Variants in ARHGAP9 observed in about 807,000 individuals in gnomAD.
The protein encoded by ARHGAP9 is rho GTPase-activating protein 9.
ARHGAP9 carries 76 observed loss-of-function variants against 87.3 expected under a neutral mutation model. That is an observed-to-expected ratio of 0.87 (90% CI 0.72 to 1.05). The LOEUF (loss-of-function observed/expected upper bound fraction) is 1.05, where lower values mean the gene tolerates loss of function less well. ARHGAP9 is among the 50% of genes least tolerant of loss of function. The pLI is 0.00. For synonymous variants in ARHGAP9, 382 were observed against 394.9 expected (o/e 0.97, Z 0.39); for missense variants, 941 against 960.5 (o/e 0.98, Z 0.27).
intron 6 of ARHGAP9, 70 bp from the exon 7 acceptor site, chr12:57,476,721 G>C (rs1277819510): frequency 6.2e-7 from 1 of 1,600,254 alleles, no homozygotes; most frequent in African/African-American, 1.3e-5. Context: ...TTTCCCTAGG[G>C]GGTCTCCCAG....
At chr12:57,473,980 T>G in intron 16 of ARHGAP9, 62 bp downstream of exon 16, 1 of 1,544,216 alleles carries the variant, frequency 6.5e-7, no homozygotes. Context: ...GGAACCTCTA[T>G]TCTATTATTT....
intron 1 of ARHGAP9, among the ~76,000 whole-genome samples, chr12:57,486,085 C>A (rs1875371336): frequency 6.6e-6 from 1 of 152,162 alleles, no homozygotes; most frequent in South Asian, 2.1e-4. Context: ...GGCCCAGAAC[C>A]TCCATAGAAT....
chr12:57,476,230 T>C, intron 8 of ARHGAP9, 64 bp from the exon 9 acceptor site: 3 of 1,497,216 alleles, frequency 2.0e-6, no homozygotes, highest in Non-Finnish European at 2.7e-6. Context: ...CTCTCCCCGG[T>C]GGGCTGTGAG....
intron 1 of ARHGAP9, among the ~76,000 whole-genome samples, chr12:57,486,606 G>A (rs1345667544): frequency 5.3e-4 from 1 of 1,890 alleles, no homozygotes; most frequent in East Asian, 4.6e-3. Context: ...AGAGATGTTT[G>A]GCCGGGCGCG....
rs142980457 is a variant in ARHGAP9, at chr12:57,476,941, C to T, written c.893G>A (p.Arg298His). 7.5e-5 allele frequency: 120 copies of T among 1,605,654 alleles called. No homozygotes were observed. Among genetic ancestry groups the T allele is most frequent in the African/African-American group, 1.9e-4 (14 of 73,544 alleles). The change falls in exon 6 of 18, where the codon CGC (arginine) becomes CAC (histidine). Residue 298 changes from arginine to histidine, a missense_variant. Coordinates refer to ENST00000393791, the MANE Select transcript of ARHGAP9 (RefSeq NM_032496.4). ...GGCTGGAGGGTCAAGCTGCGAGGTG[C>T]GTTGGCTGAGGCTGAGTGAACCCTA... Reference protein sequence around the residue: ...DPQGSLSLSQRTSQLDPPALQ... With the variant: ...DPQGSLSLSQHTSQLDPPALQ...
At chr12:57,479,974 G>A (rs1874848847), upstream of ARHGAP9, 1 of 1,359,180 alleles carries the variant, frequency 7.4e-7, no homozygotes, top group Admixed American at 3.6e-5. Context: ...GACTCAGAGA[G>A]ACATGGTGAC....
Position 57,477,563 on chromosome 12 carries a change from C to T in ARHGAP9, c.652G>A (p.Ala218Thr). The T allele has an allele frequency of 6.2e-7, 1 of 1,613,406 alleles. No homozygotes were observed. ...PACPLLQRLD[A>T]WEQHLDPNSG... ...TTGGGGTCCAGGTGCTGCTCCCAGG[C>T]ATCCAGCCTCTGCAGCAGGGGGCAT... Residue 218 changes from alanine (A) to threonine (T), a missense_variant, in exon 4 of 18, where the codon GCC (alanine) becomes ACC (threonine). Coordinates refer to ENST00000393791, the MANE Select transcript of ARHGAP9 (RefSeq NM_032496.4).
chr12:57,473,593 T>C lies in ARHGAP9; in HGVS notation c.2024+10A>G. On this transcript the variant is annotated intron_variant, in intron 17 of 17. Coordinates refer to ENST00000393791, the MANE Select transcript of ARHGAP9 (RefSeq NM_032496.4). ...CCCCAGCATGAACAAAGAGGTTCTG[T>C]CTTCCTGACCTGCATAAATGCTCCA... is the stretch of plus-strand genomic sequence containing the variant. 6.2e-7 allele frequency: 1 copy of C among 1,608,666 alleles called. No individual in the cohort carries two copies. The highest frequency in any genetic ancestry group is 8.5e-7 in the Non-Finnish European group (1 of 1,175,156).
chr12:57,478,432 T>G, intron 3 of ARHGAP9, 108 bp downstream of exon 3: 3 of 1,112,246 alleles, frequency 2.7e-6, no homozygotes, highest in Non-Finnish European at 4.0e-6. Context: ...AGCGTTATCT[T>G]ATTTATTTGT....
In ARHGAP9 at chr12:57,475,172, A is replaced by T. The variant is rs1283886361; in HGVS notation, c.1552+119T>A. ...TACAGGTCACCCCAGCTTCTCCCCT[A>T]AACAATCTGGGGTAGTGGGAAAGCA... On this transcript the variant is annotated intron_variant, in intron 12 of 17. Transcript: ENST00000393791. 13 of 1,213,844 alleles carry T rather than the reference A, an allele frequency of 1.1e-5. No individual in the cohort carries two copies. The African/African-American group carries it at 1.8e-4, about 17-fold the overall frequency. The allele number at this position is 1,213,844 out of a possible 1,614,324, so 75.2% of individuals were successfully genotyped here.
upstream of ARHGAP9, among the ~76,000 whole-genome samples, chr12:57,481,283 C>T (rs1479394588): frequency 4.6e-5 from 7 of 151,968 alleles, no homozygotes; most frequent in African/African-American, 1.7e-4. Flanking sequence ...CAGAGTCTTG[C>T]ACTGTTGCCT....
chr12:57,483,932 T>C (rs1223519565), upstream of ARHGAP9: 2 of 452,458 alleles, frequency 4.4e-6, no homozygotes, highest in African/African-American at 4.1e-5. Flanking sequence ...TCCCAGCTAC[T>C]TGGGAGCCTG....
intron 16 of ARHGAP9, 48 bp downstream of exon 16, chr12:57,473,994 A>G: frequency 6.3e-7 from 1 of 1,574,802 alleles, no homozygotes; most frequent in Non-Finnish European, 8.6e-7. Flanking sequence ...ATTATTTACC[A>G]CCCGTGTCCC....
intron 1 of ARHGAP9, among the ~76,000 whole-genome samples, chr12:57,486,876 A>G (rs374395741): frequency 1.1e-5 from 1 of 94,448 alleles, no homozygotes; most frequent in African/African-American, 3.1e-5. Flanking sequence ...GCAGAGCAAG[A>G]CTCCGTCTCA....
Position 57,473,643 on chromosome 12 carries a change from T to C in ARHGAP9, c.1984A>G (p.Asn662Asp), listed in dbSNP as rs1872588291. 1 of 1,614,048 alleles carries C rather than the reference T, an allele frequency of 6.2e-7. No individual in the cohort carries two copies. The highest frequency in any genetic ancestry group is 2.2e-5 in the East Asian group (1 of 44,874). Residue 662 changes from asparagine (N) to aspartate (D), a missense_variant, in exon 17 of 18, where the codon AAC becomes GAC. By Grantham distance (23) the Asn-to-Asp change is conservative. Transcript: ENST00000393791. ...QELIGSMPKP[N>D]HDTLRYLLEH... ...AGGAGGTACCGTAGAGTGTCATGGTTGGGCTTTGGCATTGAGCCTATTAAT... is the reference window on the plus strand; with the variant it reads ...AGGAGGTACCGTAGAGTGTCATGGTCGGGCTTTGGCATTGAGCCTATTAAT...
chr12:57,474,806 A>C, intron 13 of ARHGAP9, 69 bp downstream of exon 13: 1 of 1,607,004 alleles, frequency 6.2e-7, no homozygotes, highest in Non-Finnish European at 8.5e-7. Context: ...ACTAGGTAGA[A>C]TGGGGGAGGC....
chr12:57,475,481 A>C lies in ARHGAP9; in HGVS notation c.1444+2T>G. The C allele has an allele frequency of 1.9e-6, 3 of 1,597,096 alleles. No homozygotes were observed. The highest frequency in any genetic ancestry group is 2.6e-6 in the Non-Finnish European group (3 of 1,173,000). On this transcript the variant is annotated splice_donor_variant, in intron 11 of 17. Transcript: ENST00000393791. LOFTEE classifies it high-confidence loss of function. Reference sequence around the variant, plus strand: ...ACTCTCCCTCCCCAGCCCGCGCCTCACTGGAGCTCCGGCGGCTGCTGAGGC... The same window carrying C: ...ACTCTCCCTCCCCAGCCCGCGCCTCCCTGGAGCTCCGGCGGCTGCTGAGGC...
chr12:57,475,373 C>A lies in ARHGAP9; in HGVS notation c.1470G>T (p.Gln490His). ...GCTTTAGTTTGTTGCGCACGCGGTT[C>A]TGCTCGGTGCCTTCGGGCCCCCGAA... ...SSIRGPEGTE[Q>H]NRVRNKLKRL... The change falls in exon 12 of 18, where the codon CAG becomes CAT. Residue 490 changes from glutamine to histidine, a missense_variant. Coordinates refer to ENST00000393791, the MANE Select transcript of ARHGAP9 (RefSeq NM_032496.4). 1 of 1,599,746 alleles carries A rather than the reference C, an allele frequency of 6.3e-7. No homozygotes were observed. The highest frequency in any genetic ancestry group is 8.5e-7 in the Non-Finnish European group (1 of 1,173,034).
At chr12:57,475,720 G>A in intron 10 of ARHGAP9, 105 bp from the exon 11 acceptor site, 1 of 1,536,092 alleles carries the variant, frequency 6.5e-7, no homozygotes, top group Admixed American at 2.0e-5. Flanking sequence ...CCCAGGCAAG[G>A]GCTCTCCACT....
Sources: gnomAD v4.1 joint callset for allele counts (sites outside exome capture counted in the v4.1 genomes callset) on GRCh38, gnomAD v4.1.1 for gene constraint, MANE v1.5 for transcripts, NCBI Gene and HGNC (gene_info 2026-07-23, HGNC 2026-07-21) for gene names.